The following SPON2 variants were observed in gnomAD, a reference collection of about 807,000 sequenced individuals.
SPON2 encodes spondin 2.
A neutral mutation model predicts 29.9 loss-of-function variants in SPON2; 32 were observed. The observed-to-expected ratio is 1.07, with a 90% CI of 0.81 to 1.44. The LOEUF (loss-of-function observed/expected upper bound fraction) is 1.44, where lower values mean the gene tolerates loss of function less well. SPON2 is among the 40% of genes most tolerant of loss of function. The pLI is 0.00. For synonymous variants in SPON2, 248 were observed against 209.1 expected (o/e 1.19, Z -1.61); for missense variants, 541 against 455.5 (o/e 1.19, Z -1.71).
chr4:1,172,144 G>T, intron 1 of SPON2, 70 bp from the exon 2 acceptor site: 5 of 1,393,016 alleles, frequency 3.6e-6, no homozygotes, highest in Non-Finnish European at 4.0e-6. Flanking sequence ...AAGCCGAGAG[G>T]GCTGCGGCAC....
intron 1 of SPON2, among the ~76,000 whole-genome samples, chr4:1,200,419 T>G (rs1210828852): frequency 6.6e-6 from 1 of 151,910 alleles, no homozygotes; most frequent in East Asian, 1.9e-4. Context: ...GGAAGGGGCT[T>G]CAGGACAGGA....
chr4:1,167,953 AC>A, intron 5 of SPON2: 1 of 336,916 alleles, frequency 3.0e-6, no homozygotes, highest in Non-Finnish European at 5.4e-6. Flanking sequence ...GCCCCTGGGA[AC>A]CCCGTGGGAA....
intron 1 of SPON2, among the ~76,000 whole-genome samples, chr4:1,194,163 A>ACCCTCCGGCCGGCCT (rs1436517179): frequency 6.6e-6 from 1 of 151,856 alleles, no homozygotes; most frequent in East Asian, 1.9e-4. Flanking sequence ...GGAGAGAGAC[A>ACCCTCCGGCCGGCCT]CCCTCCGGCC....
chr4:1,171,497 A>G lies in SPON2; in HGVS notation c.221-11T>C. On this transcript the variant is annotated splice_polypyrimidine_tract_variant and intron_variant, in intron 2 of 5. Transcript: ENST00000290902. ...AGCTATGCGCGGCCCCTGCAGGACC[A>G]CCCGGCCGCGCCGCGGACCATGGTC... The G allele has an allele frequency of 6.2e-7, 1 of 1,604,008 alleles. No individual in the cohort carries two copies. The highest frequency in any genetic ancestry group is 8.5e-7 in the Non-Finnish European group (1 of 1,173,604).
At chr4:1,195,024 G>GC (rs1728025069) in exon 1 of SPON2, 8 of 88,596 alleles carry the variant, frequency 9.0e-5, no homozygotes, top group East Asian at 7.6e-4. Flanking sequence ...GCAGCCGGCG[G>GC]CTCCAACCCC....
At position 1,167,340 on chromosome 4, in the gene SPON2, C is replaced by A; in HGVS notation, c.*132G>T. 1 of 931,558 alleles carries A rather than the reference C, an allele frequency of 1.1e-6. No homozygotes were observed. The highest frequency in any genetic ancestry group is 2.5e-5 in the East Asian group (1 of 39,720). The allele number at this position is 931,558 out of a possible 1,614,324, so 57.7% of individuals were successfully genotyped here. A position where few individuals can be genotyped will look rare whatever the true frequency, so the allele number is the denominator to read the frequency against. Reference sequence around the variant, plus strand: ...GAGGGCCCTTCAGTGCAGAGATGGTCGGCGCGGCCTCACCGCGGTCAGGAG... The same window carrying A: ...GAGGGCCCTTCAGTGCAGAGATGGTAGGCGCGGCCTCACCGCGGTCAGGAG... On this transcript the variant is annotated 3_prime_UTR_variant, in exon 6 of 6. Coordinates refer to ENST00000290902, the MANE Select transcript of SPON2 (RefSeq NM_012445.4).
chr4:1,178,082 A>G (rs112025047), upstream of SPON2, among the ~76,000 whole-genome samples: 226 of 117,580 alleles, frequency 1.9e-3, no homozygotes, highest in Middle Eastern at 5.0e-3. Flanking sequence ...CTCCGGCCAG[A>G]CACCACGGGC....
chr4:1,176,873 CTTCA>C (rs1195023015), upstream of SPON2, among the ~76,000 whole-genome samples: 14 of 151,894 alleles, frequency 9.2e-5, no homozygotes, highest in Non-Finnish European at 1.6e-4. Context: ...CATTCACACA[CTTCA>C]TTCATTCATT....
At chr4:1,195,056 G>GCAGCCGGCGGCCTCACCTCA (rs1728028100) in exon 1 of SPON2, 1 of 93,100 alleles carries the variant, frequency 1.1e-5, no homozygotes, top group Admixed American at 9.8e-5. Flanking sequence ...CTCCAACCCC[G>GCAGCCGGCGGCCTCACCTCA]CAGCCGGCGT....
intron 1 of SPON2, among the ~76,000 whole-genome samples, chr4:1,179,910 T>C (rs983774922): frequency 6.6e-6 from 1 of 151,904 alleles, no homozygotes; most frequent in Admixed American, 6.6e-5. Context: ...ATAATAATTA[T>C]AGGCAATTGA....
At chr4:1,181,588 G>A (rs1424295884) in intron 1 of SPON2, among the ~76,000 whole-genome samples, 1 of 152,208 alleles carries the variant, frequency 6.6e-6, no homozygotes, top group Admixed American at 6.5e-5. Flanking sequence ...CAGTTTTGGA[G>A]CTCTGGAGTC....
At chr4:1,167,884 C>A (rs1041002928) in intron 5 of SPON2, 2 of 457,098 alleles carry the variant, frequency 4.4e-6, no homozygotes, top group Non-Finnish European at 7.7e-6. Context: ...ACGTAAGAGC[C>A]GGAGCTGCCG....
intron 1 of SPON2, among the ~76,000 whole-genome samples, chr4:1,180,273 G>A (rs549858297): frequency 6.6e-6 from 1 of 152,166 alleles, no homozygotes; most frequent in Non-Finnish European, 1.5e-5. Flanking sequence ...GGAAATCTCT[G>A]TCTGGCCATT....
In SPON2 at chr4:1,200,956, C is replaced by T. The variant is rs377327812; in HGVS notation, c.-234+6924G>A. On this transcript the variant is annotated intron_variant, in intron 1 of 3. Coordinates refer to the SPON2 transcript ENST00000509233. ...CCGTGCCCTCCTGGCTCTGTTGCAG[C>T]AGACCTGTACGCCAGGGCCTTCTAG... 4.2e-5 allele frequency: 19 copies of T among 456,642 alleles called. No homozygotes were observed. In the East Asian group the frequency reaches 1.2e-3, roughly 30 times the overall value. The allele number at this position is 456,642 out of a possible 1,614,324, so 28.3% of individuals were successfully genotyped here. A position where few individuals can be genotyped will look rare whatever the true frequency, so the allele number is the denominator to read the frequency against.
upstream of SPON2, chr4:1,199,345 C>T (rs1204052176): frequency 4.6e-5 from 7 of 151,786 alleles, no homozygotes; most frequent in East Asian, 1.9e-4. The surrounding 1 kb of genome is among the most constrained non-coding windows in gnomAD (Gnocchi z 4.5). Context: ...TGCAGCGAGC[C>T]GAAATCACAC....
chr4:1,173,590 G>A (rs1183279138), upstream of SPON2, among the ~76,000 whole-genome samples: 2 of 152,248 alleles, frequency 1.3e-5, no homozygotes, highest in African/African-American at 4.8e-5. Flanking sequence ...GCGGAGGAAG[G>A]AGCTCGGGAA....
chr4:1,190,298 CA>C (rs1235326353), intron 1 of SPON2, among the ~76,000 whole-genome samples: 3 of 146,904 alleles, frequency 2.0e-5, no homozygotes, highest in African/African-American at 5.0e-5. Context: ...AAAAAACAAA[CA>C]AAAAAAAACA....
chr4:1,185,371 C>G lies in SPON2; in HGVS notation c.-238-5830G>C, dbSNP rs1030034115. 2.6e-5 allele frequency among the ~76,000 whole-genome samples: 4 copies of G among 151,886 alleles called. No homozygotes were observed. In the South Asian group the frequency reaches 8.4e-4, roughly 32 times the overall value. Reference sequence around the variant, plus strand: ...GATTACAGGCATAATCCACCATGCCCGGCCAGAATAGTCTTTTTGACAAAT... The same window carrying G: ...GATTACAGGCATAATCCACCATGCCGGGCCAGAATAGTCTTTTTGACAAAT... On this transcript the variant is annotated intron_variant, in intron 1 of 3. Coordinates refer to the SPON2 transcript ENST00000502483.
intron 4 of SPON2, chr4:1,170,777 C>T (rs1008956789): frequency 6.4e-6 from 6 of 935,270 alleles, no homozygotes; most frequent in African/African-American, 3.3e-5. Flanking sequence ...CTCCTCGGGA[C>T]GCGCGTCCCG....
Sources: allele counts gnomAD v4.1 joint callset (sites outside exome capture counted in the v4.1 genomes callset), GRCh38; gene constraint gnomAD v4.1.1; non-coding constraint Gnocchi (gnomAD v3.1); transcripts MANE v1.5; gene names NCBI Gene and HGNC (gene_info 2026-07-23, HGNC 2026-07-21).